RTN1: variants seen among roughly 807,000 people sequenced by gnomAD.
The protein encoded by RTN1 is reticulon 1.
In RTN1, 25 loss-of-function variants were observed where a neutral mutation model predicts 65.5. That is an observed-to-expected ratio of 0.38 (90% CI 0.28 to 0.53). RTN1 has a LOEUF of 0.53. Among genes scored for constraint, RTN1 ranks in the 20% least tolerant of loss-of-function variants. RTN1 has a pLI of 0.79. For missense variants in RTN1, 983 were observed against 1,025.4 expected, an observed-to-expected ratio of 0.96 and a Z score of 0.57; for synonymous variants, 471 against 447.6, an observed-to-expected ratio of 1.05 and a Z score of -0.66.
At chr14:59,796,858 C>T (rs1263929879) in intron 1 of RTN1, among the ~76,000 whole-genome samples, 1 of 152,162 alleles carries the variant, frequency 6.6e-6, no homozygotes, top group African/African-American at 2.4e-5. Context: ...AGATTGTGGG[C>T]CCCTGAAGGC....
At chr14:59,700,125 G>A (rs1884147482) in intron 3 of RTN1, among the ~76,000 whole-genome samples, 1 of 151,994 alleles carries the variant, frequency 6.6e-6, no homozygotes, top group African/African-American at 2.4e-5. Flanking sequence ...AAAACAGGTG[G>A]TGGCATGACA....
At chr14:59,622,456 T>C (rs983892864) in intron 3 of RTN1, among the ~76,000 whole-genome samples, 3 of 152,210 alleles carry the variant, frequency 2.0e-5, no homozygotes, top group African/African-American at 7.2e-5. Context: ...TGAAATTTAT[T>C]TACTTTTTAG....
chr14:59,744,183 G>C (rs1486242795), intron 2 of RTN1, among the ~76,000 whole-genome samples: 1 of 152,156 alleles, frequency 6.6e-6, no homozygotes, highest in Non-Finnish European at 1.5e-5. Context: ...TCAGGGTTTA[G>C]AGCAATCGCT....
intron 3 of RTN1, among the ~76,000 whole-genome samples, chr14:59,652,974 G>C (rs1472831723): frequency 1.3e-5 from 2 of 152,042 alleles, no homozygotes; most frequent in East Asian, 3.9e-4. Flanking sequence ...GTTCCAGAAA[G>C]AGAGAGGAGA....
chr14:59,726,650 T>C (rs1884766638), intron 3 of RTN1, among the ~76,000 whole-genome samples: 1 of 152,204 alleles, frequency 6.6e-6, no homozygotes, highest in Non-Finnish European at 1.5e-5. Flanking sequence ...TAGGAGATCC[T>C]GGAGTGAACA....
chr14:59,662,574 G>A (rs569865352), intron 3 of RTN1, among the ~76,000 whole-genome samples: 3 of 152,034 alleles, frequency 2.0e-5, no homozygotes, highest in South Asian at 4.2e-4. Flanking sequence ...TGGACATTTC[G>A]GTTGGTTCCA....
chr14:59,683,680 T>G (rs1449556887), intron 3 of RTN1, among the ~76,000 whole-genome samples: 2 of 152,152 alleles, frequency 1.3e-5, no homozygotes, highest in African/African-American at 4.8e-5. Context: ...TAGTATTCTA[T>G]CTCCATAGTA....
intron 1 of RTN1, among the ~76,000 whole-genome samples, chr14:59,768,851 C>T (rs1426111370): frequency 6.6e-6 from 1 of 152,084 alleles, no homozygotes; most frequent in East Asian, 1.9e-4. Flanking sequence ...TAAAATGACC[C>T]TATAAGACAG....
chr14:59,745,220 G>T (rs1431581676), intron 2 of RTN1, among the ~76,000 whole-genome samples: 1 of 152,088 alleles, frequency 6.6e-6, no homozygotes, highest in African/African-American at 2.4e-5. Flanking sequence ...TACCAGATGC[G>T]CCCCTTTGAC....
rs573154169 is a variant in RTN1 at position 59,631,387 on chromosome 14, G to C, written c.1766-23895C>G. ...ACAATCCAAGGGTGTCATTTGTGGG[G>C]ACGTTCAAACAGAACTCAGGGAAGC... On this transcript the variant is annotated intron_variant, in intron 3 of 8. Coordinates refer to ENST00000267484, the MANE Select transcript of RTN1 (RefSeq NM_021136.3). 7.5e-4 allele frequency among the ~76,000 whole-genome samples: 115 copies of C among 152,322 alleles called. 3 individuals carry two copies. The South Asian group carries it at 0.023, about 30-fold the overall frequency.
chr14:59,717,519 C>G (rs1884561668), intron 3 of RTN1, among the ~76,000 whole-genome samples: 1 of 152,182 alleles, frequency 6.6e-6, no homozygotes, highest in South Asian at 2.1e-4. Context: ...ACTCCTCTCA[C>G]CCAGGAGGCC....
intron 3 of RTN1, chr14:59,610,065 G>C (rs1998111): frequency 0.25 from 192,719 of 759,862 alleles, 26,338 homozygotes; most frequent in South Asian, 0.39. Flanking sequence ...TTCAGACAAA[G>C]AGAAGATAGA....
chr14:59,756,893 T>A (rs998025560), intron 1 of RTN1, among the ~76,000 whole-genome samples: 3 of 148,360 alleles, frequency 2.0e-5, no homozygotes, highest in African/African-American at 7.4e-5. Flanking sequence ...GGTACCATCA[T>A]GACTCCTGCA....
At chr14:59,775,378 T>G (rs1886032060) in intron 1 of RTN1, among the ~76,000 whole-genome samples, 1 of 152,150 alleles carries the variant, frequency 6.6e-6, no homozygotes, top group Non-Finnish European at 1.5e-5. Context: ...TTATACATTT[T>G]TGACCTTTTT....
At chr14:59,814,377 T>C (rs1886782126) in intron 1 of RTN1, among the ~76,000 whole-genome samples, 2 of 152,212 alleles carry the variant, frequency 1.3e-5, no homozygotes, top group Admixed American at 6.5e-5. Context: ...AGATAGCTGA[T>C]TGCATATTGG....
chr14:59,837,810 C>CT (rs1244673136), intron 1 of RTN1, among the ~76,000 whole-genome samples: 1 of 151,604 alleles, frequency 6.6e-6, no homozygotes, highest in African/African-American at 2.4e-5. Flanking sequence ...TCAGGTCAAC[C>CT]TTTTTTTTAA....
At chr14:59,784,392 G>A (rs1389332544) in intron 1 of RTN1, among the ~76,000 whole-genome samples, 2 of 150,792 alleles carry the variant, frequency 1.3e-5, no homozygotes, top group Non-Finnish European at 2.9e-5. Flanking sequence ...GGTGAGCCGA[G>A]ATCGTGCCAT....
chr14:59,848,937 T>G (rs1304578100), intron 1 of RTN1, among the ~76,000 whole-genome samples: 3 of 144,454 alleles, frequency 2.1e-5, no homozygotes, highest in Non-Finnish European at 4.6e-5. Context: ...GCTATCTATT[T>G]CAATAGTCCC....
rs1450282318 is a variant in RTN1 at position 59,596,320 on chromosome 14, A to C, written c.*425T>G. On this transcript the variant is annotated 3_prime_UTR_variant, in exon 9 of 9. Transcript: ENST00000267484. ...CTACAATTCTATATATTGTTATTAA[A>C]GATTAATCCAACCAGCAACCCAAGG... 1.3e-5 allele frequency: 2 copies of C among 155,480 alleles called. No homozygotes were observed. The highest frequency in any genetic ancestry group is 4.8e-5 in the African/African-American group (2 of 41,506). The allele number at this position is 155,480 out of a possible 1,614,324, so 9.6% of individuals were successfully genotyped here. A position where few individuals can be genotyped will look rare whatever the true frequency, so the allele number is the denominator to read the frequency against.
Sources: allele counts gnomAD v4.1 joint callset (sites outside exome capture counted in the v4.1 genomes callset), GRCh38; gene constraint gnomAD v4.1.1; transcripts MANE v1.5; gene names NCBI Gene and HGNC (gene_info 2026-07-23, HGNC 2026-07-21).